CANT1: variants seen among roughly 807,000 people sequenced by gnomAD.
The protein encoded by CANT1 is soluble calcium-activated nucleotidase 1.
A neutral mutation model predicts 30.0 loss-of-function variants in CANT1; 26 were observed. The observed-to-expected ratio is 0.87, with a 90% CI of 0.64 to 1.20. The LOEUF is 1.20. Among genes scored for constraint, CANT1 ranks in the 50% most tolerant of loss-of-function variants. The pLI is 0.00. For missense variants in CANT1, 518 were observed against 563.0 expected, an observed-to-expected ratio of 0.92 and a Z score of 0.81; for synonymous variants, 246 against 251.8, an observed-to-expected ratio of 0.98 and a Z score of 0.22.
chr17:78,993,974 C>T lies in CANT1; in HGVS notation c.836-54G>A. ...ACGCATGCGGCCTGGTGTGCCCAGC[C>T]CCACACCATCAGGCCGTGCGCAGTA... On this transcript the variant is annotated intron_variant, in intron 4 of 4. Transcript: ENST00000392446. The surrounding 1 kb of genome is among the most constrained non-coding windows in gnomAD (Gnocchi z 4.5). The T allele has an allele frequency of 6.5e-7, 1 of 1,527,436 alleles. No individual in the cohort carries two copies. The highest frequency in any genetic ancestry group is 8.8e-7 in the Non-Finnish European group (1 of 1,142,804). 94.6% of individuals were successfully genotyped at this position (1,527,436 alleles called of 1,614,324 possible).
intron 1 of CANT1, among the ~76,000 whole-genome samples, chr17:79,006,733 A>C (rs995375514): frequency 1.3e-5 from 2 of 152,256 alleles, no homozygotes; most frequent in Non-Finnish European, 2.9e-5. Flanking sequence ...ACATCTGGGA[A>C]GGTGTCCTTT....
chr17:79,009,228 A>G (rs184173104), intron 1 of CANT1, among the ~76,000 whole-genome samples: 12 of 139,244 alleles, frequency 8.6e-5, no homozygotes, highest in East Asian at 8.6e-4. Context: ...TCAGAGGGGG[A>G]TGGTCCCCAA....
At chr17:79,007,102 C>T (rs2071581143) in intron 1 of CANT1, among the ~76,000 whole-genome samples, 1 of 152,210 alleles carries the variant, frequency 6.6e-6, no homozygotes, top group South Asian at 2.1e-4. Context: ...GAACCAGGCG[C>T]TCCACATGAC....
rs758216649 is a variant in CANT1 at position 78,997,413 on chromosome 17, G to A, written c.210C>T (p.Pro70=). The A allele has an allele frequency of 6.2e-7, 1 of 1,609,498 alleles. No individual in the cohort carries two copies. The highest frequency in any genetic ancestry group is 1.1e-5 in the South Asian group (1 of 91,038). ...CSHRPAPGRP[P]THNAHNWRLG... Reference sequence around the variant, plus strand: ...GCCTCCAGTTGTGTGCATTGTGGGTGGGGGGCCTGCCGGGGGCCGGGCGGT... The same window carrying A: ...GCCTCCAGTTGTGTGCATTGTGGGTAGGGGGCCTGCCGGGGGCCGGGCGGT... Residue 70 remains proline, a synonymous_variant, in exon 3 of 5, where the codon CCC becomes CCT. Transcript: ENST00000392446. This position sits in a 1 kb window ranked among gnomAD's most constrained non-coding sequence, Gnocchi z 7.5.
At chr17:79,000,652 G>A (rs866371904) in intron 1 of CANT1, among the ~76,000 whole-genome samples, 7 of 152,134 alleles carry the variant, frequency 4.6e-5, no homozygotes, top group African/African-American at 7.2e-5. Flanking sequence ...TCTGCCTGCC[G>A]GCTGGCTACA....
intron 1 of CANT1, among the ~76,000 whole-genome samples, chr17:79,001,977 C>T (rs767753217): frequency 6.6e-6 from 1 of 152,086 alleles, no homozygotes; most frequent in Non-Finnish European, 1.5e-5. Flanking sequence ...CTCCCCAGCC[C>T]CACGTGTCCC....
chr17:78,993,412 G>A lies in CANT1; in HGVS notation c.*138C>T. The A allele has an allele frequency of 7.6e-7, 1 of 1,323,184 alleles. No homozygotes were observed. The highest frequency in any genetic ancestry group is 1.5e-5 in the African/African-American group (1 of 68,832). 82.0% of individuals were successfully genotyped at this position (1,323,184 alleles called of 1,614,324 possible). A position where few individuals can be genotyped will look rare whatever the true frequency, so the allele number is the denominator to read the frequency against. On this transcript the variant is annotated 3_prime_UTR_variant, in exon 5 of 5. Transcript: ENST00000392446. The surrounding 1 kb of genome is among the most constrained non-coding windows in gnomAD (Gnocchi z 4.5). ...GGGGTCCAGTGCCCGCACCACTATGGGGCCCGGGACTGGGCTCCCTGTCCA... is the reference window on the plus strand; with the variant it reads ...GGGGTCCAGTGCCCGCACCACTATGAGGCCCGGGACTGGGCTCCCTGTCCA...
chr17:78,997,752 T>A lies in CANT1; in HGVS notation c.-23+88A>T. 1.0e-6 allele frequency: 1 copy of A among 952,582 alleles called. No homozygotes were observed. The allele number at this position is 952,582 out of a possible 1,614,324, so 59.0% of individuals were successfully genotyped here. A position where few individuals can be genotyped will look rare whatever the true frequency, so the allele number is the denominator to read the frequency against. On this transcript the variant is annotated intron_variant, in intron 2 of 4. Coordinates refer to ENST00000392446, the MANE Select transcript of CANT1 (RefSeq NM_001159773.2). This position sits in a 1 kb window ranked among gnomAD's most constrained non-coding sequence, Gnocchi z 7.5. Reference sequence around the variant, plus strand: ...AGGCTGACTTTTCCAGAAGAAACAGTATTTCACTACTCTGTGGCCATTCTT... The same window carrying A: ...AGGCTGACTTTTCCAGAAGAAACAGAATTTCACTACTCTGTGGCCATTCTT...
In CANT1 at chr17:78,997,892, C is replaced by T; in HGVS notation, c.-75G>A. 2.5e-6 allele frequency: 1 copy of T among 401,994 alleles called. No homozygotes were observed. Among genetic ancestry groups the T allele is most frequent in the East Asian group, 3.7e-5 (1 of 26,900 alleles). The allele number at this position is 401,994 out of a possible 1,614,324, so 24.9% of individuals were successfully genotyped here. On this transcript the variant is annotated 5_prime_UTR_variant, in exon 2 of 5. Transcript: ENST00000392446. The surrounding 1 kb of genome is among the most constrained non-coding windows in gnomAD (Gnocchi z 7.5). ...CCACAGCAAAATTACTCCATCTCCC[C>T]TGTCCCAGCTGGCAACGTGGGAAGC...
intron 4 of CANT1, 135 bp from the exon 5 acceptor site, chr17:78,994,055 C>T (rs1005895611): frequency 8.1e-7 from 1 of 1,230,646 alleles, no homozygotes; most frequent in Non-Finnish European, 1.1e-6. Flanking sequence ...CCCGCCCCTC[C>T]CTGCTCTCCA....
At chr17:79,000,671 C>T (rs1045134107) in intron 1 of CANT1, among the ~76,000 whole-genome samples, 3 of 152,222 alleles carry the variant, frequency 2.0e-5, no homozygotes, top group African/African-American at 7.2e-5. Context: ...CATAGACCTC[C>T]TTCTGTCCCC....
chr17:79,008,889 A>G lies in CANT1; in HGVS notation c.-147+775T>C, dbSNP rs765511271. Among the ~76,000 whole-genome samples, 1 of 152,266 alleles carries G rather than the reference A, an allele frequency of 6.6e-6. No individual in the cohort carries two copies. Among genetic ancestry groups the G allele is most frequent in the South Asian group, 2.1e-4 (1 of 4,822 alleles). ...GCTGTGTGCCTGGAGGAAGGCTCCAAATTGGATGAGGGCAGGGAGAGCAAG... is the reference window on the plus strand; with the variant it reads ...GCTGTGTGCCTGGAGGAAGGCTCCAGATTGGATGAGGGCAGGGAGAGCAAG... On this transcript the variant is annotated intron_variant, in intron 1 of 4. Transcript: ENST00000392446. The surrounding 1 kb of genome is among the most constrained non-coding windows in gnomAD (Gnocchi z 4.4).
At position 78,995,062 on chromosome 17, in the gene CANT1, GAC is replaced by G. The variant is rs748554497; in HGVS notation, c.789_790del (p.Ser264GlnfsTer20). The G allele has an allele frequency of 6.2e-7, 1 of 1,603,698 alleles. No homozygotes were observed. The highest frequency in any genetic ancestry group is 8.5e-7 in the Non-Finnish European group (1 of 1,175,272). ...AGCAGCCCGCAGGGCGTTGTAGTTG[GAC>G]ACCCAGTTCTCGTGGTCCACGCTGC... On this transcript the variant is annotated frameshift_variant, in exon 4 of 5. Coordinates refer to ENST00000392446, the MANE Select transcript of CANT1 (RefSeq NM_001159773.2). LOFTEE classifies it high-confidence loss of function. This position sits in a 1 kb window ranked among gnomAD's most constrained non-coding sequence, Gnocchi z 5.7.
In CANT1 at chr17:79,008,717, A is replaced by T. The variant is rs942405691; in HGVS notation, c.-147+947T>A. Reference sequence around the variant, plus strand: ...AGAGGGCAAGGGAAAGACCATTCGGAGGGAGAAGCAAAGGCACCAGGCAAC... The same window carrying T: ...AGAGGGCAAGGGAAAGACCATTCGGTGGGAGAAGCAAAGGCACCAGGCAAC... On this transcript the variant is annotated intron_variant, in intron 1 of 4. Coordinates refer to ENST00000392446, the MANE Select transcript of CANT1 (RefSeq NM_001159773.2). The surrounding 1 kb of genome is among the most constrained non-coding windows in gnomAD (Gnocchi z 4.4). Among the ~76,000 whole-genome samples, 8 of 152,160 alleles carry T rather than the reference A, an allele frequency of 5.3e-5. No individual in the cohort carries two copies. The highest frequency in any genetic ancestry group is 8.8e-5 in the Non-Finnish European group (6 of 68,032).
chr17:78,997,638 G>A lies in CANT1; in HGVS notation c.-16C>T, dbSNP rs1001634571. ...GCACGGGCATCAGCGTGACAGACAGGCGGGACCTGCACAGCCAGGGAGGGA... is the reference window on the plus strand; with the variant it reads ...GCACGGGCATCAGCGTGACAGACAGACGGGACCTGCACAGCCAGGGAGGGA... On this transcript the variant is annotated 5_prime_UTR_variant, in exon 3 of 5. Coordinates refer to ENST00000392446, the MANE Select transcript of CANT1 (RefSeq NM_001159773.2). This position sits in a 1 kb window ranked among gnomAD's most constrained non-coding sequence, Gnocchi z 7.5. 4 of 1,557,696 alleles carry A rather than the reference G, an allele frequency of 2.6e-6. No individual in the cohort carries two copies. In the African/African-American group the frequency reaches 5.5e-5, roughly 21 times the overall value.
In CANT1 at chr17:78,995,300, C is replaced by T. The variant is rs2070996580; in HGVS notation, c.632-79G>A. Reference sequence around the variant, plus strand: ...CACCTGGCTCCCACCCGGCCCCGCACCTGTCCTTAGACCCCGCACCTGACT... The same window carrying T: ...CACCTGGCTCCCACCCGGCCCCGCATCTGTCCTTAGACCCCGCACCTGACT... On this transcript the variant is annotated intron_variant, in intron 3 of 4. Transcript: ENST00000392446. The surrounding 1 kb of genome is among the most constrained non-coding windows in gnomAD (Gnocchi z 5.7). 2 of 1,467,554 alleles carry T rather than the reference C, an allele frequency of 1.4e-6. No homozygotes were observed. Among genetic ancestry groups the T allele is most frequent in the Non-Finnish European group, 1.9e-6 (2 of 1,073,450 alleles). 90.9% of individuals were successfully genotyped at this position (1,467,554 alleles called of 1,614,324 possible). A position where few individuals can be genotyped will look rare whatever the true frequency, so the allele number is the denominator to read the frequency against.
Position 78,998,718 on chromosome 17 carries a change from G to A in CANT1, c.-146-755C>T, listed in dbSNP as rs954510613. The stretch of plus-strand genomic sequence containing the variant: ...GAGAGCTGCCTGTCTCTGGACAGCC[G>A]CCAAGTGCCACAGTGGGGCGTGGGG... On this transcript the variant is annotated intron_variant, in intron 1 of 4. Transcript: ENST00000392446. This position sits in a 1 kb window ranked among gnomAD's most constrained non-coding sequence, Gnocchi z 4.5. 1.3e-5 allele frequency among the ~76,000 whole-genome samples: 2 copies of A among 152,262 alleles called. No homozygotes were observed. The highest frequency in any genetic ancestry group is 1.3e-4 in the Admixed American group (2 of 15,288).
Position 78,997,075 on chromosome 17 carries a change from C to G in CANT1, c.548G>C (p.Arg183Pro), listed in dbSNP as rs773997993. ...TTCGATCTGGTAGACGACCCCCGTC[C>G]GGTCATCCACGGAGTAGAGTTTCCC... ...FNGKLYSVDD[R>P]TGVVYQIEGS... Residue 183 changes from arginine to proline, a missense_variant, in exon 3 of 5, where the codon CGG becomes CCG. Physicochemically the swap from Arg to Pro is moderately radical, Grantham distance 103. This residue lies in a region of CANT1 where 249 missense variants were observed against 268.8 expected (regional missense o/e 0.93). Transcript: ENST00000392446. The surrounding 1 kb of genome is among the most constrained non-coding windows in gnomAD (Gnocchi z 7.5). 2.5e-6 allele frequency: 4 copies of G among 1,614,218 alleles called. No individual in the cohort carries two copies. Among genetic ancestry groups the G allele is most frequent in the Admixed American group, 1.7e-5 (1 of 60,006 alleles).
In CANT1 at chr17:78,995,521, A is replaced by G. The variant is rs2071007877; in HGVS notation, c.632-300T>C. 6.6e-6 allele frequency among the ~76,000 whole-genome samples: 1 copy of G among 152,212 alleles called. No homozygotes were observed. Among genetic ancestry groups the G allele is most frequent in the East Asian group, 1.9e-4 (1 of 5,190 alleles). Reference sequence around the variant, plus strand: ...AAGGCTAGAAAAGCTGAAAAGTGACAGCACTCTGAAGGGGCACGTGTGTCC... The same window carrying G: ...AAGGCTAGAAAAGCTGAAAAGTGACGGCACTCTGAAGGGGCACGTGTGTCC... On this transcript the variant is annotated intron_variant, in intron 3 of 4. Coordinates refer to ENST00000392446, the MANE Select transcript of CANT1 (RefSeq NM_001159773.2). This position sits in a 1 kb window ranked among gnomAD's most constrained non-coding sequence, Gnocchi z 5.7.
Sources: gnomAD v4.1 joint callset for allele counts (sites outside exome capture counted in the v4.1 genomes callset) on GRCh38, gnomAD v4.1.1 for gene constraint, gnomAD v4.1.1 regional missense constraint, Gnocchi (gnomAD v3.1) non-coding constraint, MANE v1.5 for transcripts, NCBI Gene and HGNC (gene_info 2026-07-23, HGNC 2026-07-21) for gene names.